BCL2L1: variants seen among roughly 807,000 people sequenced by gnomAD.
The protein encoded by BCL2L1 is BCL2 like 1, also known as bcl-2-like protein 1.
Under a neutral mutation model 18.7 loss-of-function variants are expected in BCL2L1, and 1 was observed. The ratio of observed to expected loss-of-function variants is 0.05; its 90% CI spans 0.02 to 0.25. The LOEUF (loss-of-function observed/expected upper bound fraction) is 0.25, where lower values mean the gene tolerates loss of function less well. Among genes scored for constraint, BCL2L1 ranks in the 10% least tolerant of loss-of-function variants. The pLI is 1.00. For synonymous variants in BCL2L1, 103 were observed against 122.7 expected, an observed-to-expected ratio of 0.84 and a Z score of 1.06; for missense variants, 207 against 304.9, an observed-to-expected ratio of 0.68 and a Z score of 2.39.
At chr20:31,687,190 C>T (rs531847557) in intron 2 of BCL2L1, among the ~76,000 whole-genome samples, 2 of 152,128 alleles carry the variant, frequency 1.3e-5, no homozygotes, top group East Asian at 1.9e-4. Context: ...CTACACTGTA[C>T]CTTACAGCAT....
intron 2 of BCL2L1, among the ~76,000 whole-genome samples, chr20:31,692,025 C>T (rs2061083685): frequency 6.6e-6 from 1 of 152,210 alleles, no homozygotes; most frequent in East Asian, 1.9e-4. Context: ...CTGTGTAAAC[C>T]CTACAACAAT....
At chr20:31,672,464 C>CA (rs141754198) in intron 2 of BCL2L1, among the ~76,000 whole-genome samples, 1,503 of 115,444 alleles carry the variant, frequency 0.013, 10 homozygotes, top group Middle Eastern at 0.031. Flanking sequence ...AACCCTGTCT[C>CA]AAAAAAAAAA....
chr20:31,669,740 T>C (rs890033830), intron 2 of BCL2L1, among the ~76,000 whole-genome samples: 9 of 152,080 alleles, frequency 5.9e-5, no homozygotes, highest in Non-Finnish European at 1.2e-4. Context: ...CCTCGGCCTA[T>C]ACTAGATGTG....
At chr20:31,668,995 T>C (rs1186758067) in intron 2 of BCL2L1, among the ~76,000 whole-genome samples, 1 of 152,140 alleles carries the variant, frequency 6.6e-6, no homozygotes, top group Non-Finnish European at 1.5e-5. Context: ...GCCTCCTGAT[T>C]ACAGGAACTA....
chr20:31,713,179 C>T, intron 2 of BCL2L1: 6 of 844,406 alleles, frequency 7.1e-6, no homozygotes, highest in Middle Eastern at 1.2e-3. Flanking sequence ...CGTGATGGAG[C>T]CAAGGAGAGA....
intron 2 of BCL2L1, among the ~76,000 whole-genome samples, chr20:31,669,892 A>G (rs1250669386): frequency 3.9e-5 from 6 of 152,208 alleles, no homozygotes; most frequent in Non-Finnish European, 1.5e-5. Context: ...ATCCCATTTC[A>G]TCTTCATCAG....
intron 2 of BCL2L1, among the ~76,000 whole-genome samples, chr20:31,698,624 G>A (rs2061225814): frequency 6.6e-6 from 1 of 151,586 alleles, no homozygotes; most frequent in Non-Finnish European, 1.5e-5. Context: ...CTGCAACCTT[G>A]ACCTCCTGGA....
At chr20:31,671,397 C>T (rs1030230928) in intron 2 of BCL2L1, among the ~76,000 whole-genome samples, 1 of 152,134 alleles carries the variant, frequency 6.6e-6, no homozygotes, top group African/African-American at 2.4e-5. Flanking sequence ...CCCCACACTA[C>T]ATACTCCTGA....
intron 2 of BCL2L1, among the ~76,000 whole-genome samples, chr20:31,717,761 A>G (rs1002945054): frequency 6.6e-6 from 1 of 152,238 alleles, no homozygotes; most frequent in African/African-American, 2.4e-5. Context: ...ACTGAGCCAT[A>G]CAGCTTAAGA....
At chr20:31,720,426 G>T in intron 2 of BCL2L1, 5 of 631,958 alleles carry the variant, frequency 7.9e-6, no homozygotes, top group South Asian at 7.1e-5. Context: ...ACTCTGAGGG[G>T]ATAGAACATC....
chr20:31,685,101 T>C (rs1022550114), intron 2 of BCL2L1, among the ~76,000 whole-genome samples: 1 of 152,202 alleles, frequency 6.6e-6, no homozygotes, highest in Admixed American at 6.5e-5. Context: ...AGTATATTTT[T>C]ATTAAGAATT....
At chr20:31,685,123 C>G (rs968674317) in intron 2 of BCL2L1, among the ~76,000 whole-genome samples, 2 of 152,156 alleles carry the variant, frequency 1.3e-5, no homozygotes, top group Non-Finnish European at 2.9e-5. Context: ...AGAAAGACAG[C>G]CAGGCGTGGT....
chr20:31,710,861 T>C (rs575353156), intron 2 of BCL2L1, among the ~76,000 whole-genome samples: 1 of 152,346 alleles, frequency 6.6e-6, no homozygotes, highest in Admixed American at 6.5e-5. Context: ...ATAATAACCC[T>C]TCATGTTCAT....
chr20:31,721,585 G>A, intron 2 of BCL2L1, 70 bp downstream of exon 2: 1 of 1,493,638 alleles, frequency 6.7e-7, no homozygotes, highest in Middle Eastern at 2.0e-4. Context: ...AAGAGATACA[G>A]AAGAAGGGCT....
intron 2 of BCL2L1, among the ~76,000 whole-genome samples, chr20:31,694,950 C>A (rs2061143231): frequency 1.3e-5 from 2 of 152,150 alleles, no homozygotes; most frequent in African/African-American, 4.8e-5. Context: ...GACTTGAATG[C>A]AGGCAGTTCA....
chr20:31,669,058 T>A (rs2060628804), intron 2 of BCL2L1, among the ~76,000 whole-genome samples: 1 of 152,078 alleles, frequency 6.6e-6, no homozygotes, highest in Admixed American at 6.6e-5. Context: ...CTTTATTTTT[T>A]AATTTTTAAA....
intron 2 of BCL2L1, among the ~76,000 whole-genome samples, chr20:31,716,333 A>C (rs1336039091): frequency 6.6e-6 from 1 of 152,048 alleles, no homozygotes; most frequent in Admixed American, 6.6e-5. Context: ...CTATGCCCCA[A>C]CCTGCTTTAT....
intron 2 of BCL2L1, among the ~76,000 whole-genome samples, chr20:31,693,156 T>G (rs1600839718): frequency 9.0e-6 from 1 of 110,872 alleles, no homozygotes; most frequent in Non-Finnish European, 1.7e-5. Context: ...ATATATATAG[T>G]AAAACTTAAA....
At chr20:31,716,765 A>G (rs2061543573) in intron 2 of BCL2L1, 1 of 152,062 alleles carries the variant, frequency 6.6e-6, no homozygotes, top group Non-Finnish European at 1.5e-5. Flanking sequence ...AGCTCTACCA[A>G]CTGTTAACTT....
Sources: allele counts gnomAD v4.1 joint callset (sites outside exome capture counted in the v4.1 genomes callset), GRCh38; gene constraint gnomAD v4.1.1; transcripts MANE v1.5; gene names NCBI Gene and HGNC (gene_info 2026-07-23, HGNC 2026-07-21).